The following DLG2 variants were observed in gnomAD, a reference collection of about 807,000 sequenced individuals.
DLG2 encodes disks large homolog 2.
In DLG2, 45 loss-of-function variants were observed where a neutral mutation model predicts 132.5. The ratio of observed to expected loss-of-function variants is 0.34; its 90% CI spans 0.27 to 0.44. The LOEUF (loss-of-function observed/expected upper bound fraction) is 0.44. DLG2 is among the 20% of genes least tolerant of loss of function. The pLI, the probability that DLG2 is intolerant of heterozygous loss-of-function variation, is 1.00. For missense variants in DLG2, 1,045 were observed against 1,196.9 expected (o/e 0.87, Z 1.87); for synonymous variants, 424 against 419.6 (o/e 1.01, Z -0.13).
In DLG2 at chr11:83,697,359, G is replaced by A. The variant is rs74583975; in HGVS notation, c.1826-64034C>T. 1.6e-3 allele frequency among the ~76,000 whole-genome samples: 239 copies of A among 152,298 alleles called. 1 individual carries two copies. The highest frequency in any genetic ancestry group is 5.5e-3 in the African/African-American group (227 of 41,564). ...AGGAAAGATTACTTTTATGTAAGAA[G>A]TCATGAGTAATTAATCAAACCACAG... is the stretch of plus-strand genomic sequence containing the variant. On this transcript the variant is annotated intron_variant, in intron 18 of 27. Transcript: ENST00000376104.
At chr11:84,788,899 A>G (rs762765518) in intron 6 of DLG2, among the ~76,000 whole-genome samples, 1 of 152,122 alleles carries the variant, frequency 6.6e-6, no homozygotes, top group Non-Finnish European at 1.5e-5. Flanking sequence ...TCACTAAATG[A>G]TATCATGGCG....
At chr11:85,079,438 T>C (rs2066955234) in intron 6 of DLG2, among the ~76,000 whole-genome samples, 1 of 151,770 alleles carries the variant, frequency 6.6e-6, no homozygotes, top group Non-Finnish European at 1.5e-5. Context: ...TGGAATGCCC[T>C]TGGCCAAGAG....
intron 7 of DLG2, among the ~76,000 whole-genome samples, chr11:84,336,854 A>G (rs2098487109): frequency 6.6e-6 from 1 of 152,198 alleles, no homozygotes; most frequent in Non-Finnish European, 1.5e-5. Flanking sequence ...TGGAATCTCT[A>G]CAAATTGAGT....
intron 7 of DLG2, among the ~76,000 whole-genome samples, chr11:84,534,106 A>G (rs1010307348): frequency 6.6e-6 from 1 of 152,118 alleles, no homozygotes; most frequent in Non-Finnish European, 1.5e-5. Context: ...CTAGTAAACA[A>G]TTTTCTCTAG....
chr11:85,582,410 G>A (rs2078585883), intron 3 of DLG2, among the ~76,000 whole-genome samples: 2 of 152,114 alleles, frequency 1.3e-5, no homozygotes, highest in East Asian at 1.9e-4. Context: ...TGGCTAAGAT[G>A]CTGTGGAGGA....
intron 6 of DLG2, among the ~76,000 whole-genome samples, chr11:84,646,760 T>A (rs1181089383): frequency 2.0e-5 from 3 of 152,076 alleles, no homozygotes; most frequent in Non-Finnish European, 4.4e-5. Flanking sequence ...CAGTTCCTGC[T>A]GAATTATACT....
chr11:84,819,099 A>G (rs2077395963), intron 6 of DLG2, among the ~76,000 whole-genome samples: 1 of 148,570 alleles, frequency 6.7e-6, no homozygotes, highest in Admixed American at 6.7e-5. Context: ...ACACACACAC[A>G]CACACACAAT....
intron 11 of DLG2, among the ~76,000 whole-genome samples, chr11:84,019,172 T>TA (rs965506935): frequency 3.8e-4 from 57 of 151,924 alleles, no homozygotes; most frequent in Middle Eastern, 6.8e-3. Context: ...AACAAAATGG[T>TA]AAAAAAAATG....
chr11:83,891,065 A>G (rs2069684929), intron 15 of DLG2, among the ~76,000 whole-genome samples: 1 of 152,198 alleles, frequency 6.6e-6, no homozygotes, highest in Non-Finnish European at 1.5e-5. Context: ...GAGATATCTC[A>G]TTAAATAGAT....
chr11:84,396,576 T>C (rs2098811857), intron 7 of DLG2, among the ~76,000 whole-genome samples: 1 of 152,244 alleles, frequency 6.6e-6, no homozygotes, highest in South Asian at 2.1e-4. Context: ...GTGTCTGTGA[T>C]TTATGTGCAT....
chr11:84,817,797 G>A (rs2077232269), intron 6 of DLG2, among the ~76,000 whole-genome samples: 2 of 151,874 alleles, frequency 1.3e-5, no homozygotes, highest in South Asian at 4.1e-4. Context: ...TTAGATGGGA[G>A]GAATTTCCCT....
chr11:85,311,265 G>T (rs2080296058), intron 3 of DLG2, among the ~76,000 whole-genome samples: 1 of 152,166 alleles, frequency 6.6e-6, no homozygotes, highest in Non-Finnish European at 1.5e-5. Context: ...TGGTGAGGAT[G>T]AGAATTAATA....
rs1012277774 is a variant in DLG2 at position 84,683,618 on chromosome 11, T to G, written c.358-148887A>C. Reference sequence around the variant, plus strand: ...ATCAGCCTCCAAATGACACAACCACTGAAGGATTTTGAGACTCGCAGATGA... The same window carrying G: ...ATCAGCCTCCAAATGACACAACCACGGAAGGATTTTGAGACTCGCAGATGA... On this transcript the variant is annotated intron_variant, in intron 6 of 27. Coordinates refer to ENST00000376104, the MANE Select transcript of DLG2 (RefSeq NM_001142699.3). Among the ~76,000 whole-genome samples the G allele has an allele frequency of 3.3e-5, 5 of 152,232 alleles. No individual in the cohort carries two copies. In the East Asian group the frequency reaches 9.7e-4, roughly 30 times the overall value.
rs1320317411 is a variant in DLG2 at position 84,904,761 on chromosome 11, C to T, written c.357+206900G>A. Reference sequence around the variant, plus strand: ...AAATAAACATTTATGGAACAAAGTTCTTCCCCATTTCCCTGCCAAGGCCCT... The same window carrying T: ...AAATAAACATTTATGGAACAAAGTTTTTCCCCATTTCCCTGCCAAGGCCCT... On this transcript the variant is annotated intron_variant, in intron 6 of 27. Transcript: ENST00000376104. 3.3e-5 allele frequency among the ~76,000 whole-genome samples: 5 copies of T among 152,102 alleles called. No homozygotes were observed. The East Asian group carries it at 9.6e-4, about 29-fold the overall frequency.
In DLG2 at chr11:84,948,063, T is replaced by C. The variant is rs74789006; in HGVS notation, c.357+163598A>G. Among the ~76,000 whole-genome samples the C allele has an allele frequency of 5.6e-3, 854 of 152,320 alleles. 2 individuals carry two copies. Among genetic ancestry groups the C allele is most frequent in the Non-Finnish European group, 8.6e-3 (583 of 68,022 alleles). The stretch of plus-strand genomic sequence containing the variant: ...ATTCTACCTTTTGTATCAGAGTTTT[T>C]CTGATGGAATTTCTAGCTTTAGTAA... On this transcript the variant is annotated intron_variant, in intron 6 of 27. Transcript: ENST00000376104.
At chr11:85,467,617 G>A (rs2092836101) in intron 3 of DLG2, among the ~76,000 whole-genome samples, 1 of 152,144 alleles carries the variant, frequency 6.6e-6, no homozygotes, top group Non-Finnish European at 1.5e-5. Flanking sequence ...TACATTTATT[G>A]ATTTGCGTAT....
chr11:85,581,024 G>A (rs953108431), intron 3 of DLG2, among the ~76,000 whole-genome samples: 7 of 152,028 alleles, frequency 4.6e-5, no homozygotes, highest in Non-Finnish European at 1.0e-4. Flanking sequence ...TCCACTAATG[G>A]GGGGGCACCA....
intron 8 of DLG2, among the ~76,000 whole-genome samples, chr11:84,164,480 T>A (rs569334950): frequency 5.9e-4 from 90 of 152,358 alleles, no homozygotes; most frequent in African/African-American, 2.0e-3. Context: ...TTTACTTTTC[T>A]ATCTTAGAAG....
intron 15 of DLG2, among the ~76,000 whole-genome samples, chr11:83,884,182 T>C (rs939338702): frequency 2.0e-5 from 3 of 152,136 alleles, no homozygotes; most frequent in African/African-American, 7.2e-5. Context: ...GGAGTTTCCT[T>C]TCCTAGTCAA....
Sources: gnomAD v4.1 joint callset for allele counts (sites outside exome capture counted in the v4.1 genomes callset) on GRCh38, gnomAD v4.1.1 for gene constraint, MANE v1.5 for transcripts, NCBI Gene and HGNC (gene_info 2026-07-23, HGNC 2026-07-21) for gene names.